The following RNASEH2B variants were observed in gnomAD, a reference collection of about 807,000 sequenced individuals.
The protein encoded by RNASEH2B is ribonuclease H2 subunit B.
RNASEH2B carries 36 observed loss-of-function variants against 45.0 expected under a neutral mutation model. The observed-to-expected ratio is 0.80, with a 90% confidence interval of 0.61 to 1.06. The LOEUF (loss-of-function observed/expected upper bound fraction) is 1.06, where lower values mean the gene tolerates loss of function less well. RNASEH2B is among the 50% of genes least tolerant of loss of function. The pLI is 0.00. For missense variants in RNASEH2B, 361 were observed against 360.3 expected (o/e 1.00, Z -0.02); for synonymous variants, 119 against 125.7 (o/e 0.95, Z 0.35).
intron 9 of RNASEH2B, among the ~76,000 whole-genome samples, chr13:50,961,865 T>C (rs1952114702): frequency 6.6e-6 from 1 of 152,208 alleles, no homozygotes; most frequent in South Asian, 2.1e-4. Context: ...AGTTTCCTTC[T>C]GTTCCTAGTT....
intron 9 of RNASEH2B, among the ~76,000 whole-genome samples, chr13:50,967,651 A>G (rs1393597544): frequency 6.6e-6 from 1 of 152,232 alleles, no homozygotes; most frequent in Non-Finnish European, 1.5e-5. Flanking sequence ...AGTGGCTCTA[A>G]CTTTGACTCT....
At chr13:50,926,938 G>A (rs1288522232) in intron 1 of RNASEH2B, among the ~76,000 whole-genome samples, 1 of 152,046 alleles carries the variant, frequency 6.6e-6, no homozygotes, top group South Asian at 2.1e-4. Flanking sequence ...CTTCATAATA[G>A]TAACAATTAC....
At chr13:50,934,782 C>T in intron 4 of RNASEH2B, 103 bp from the exon 5 acceptor site, 1 of 811,118 alleles carries the variant, frequency 1.2e-6, no homozygotes, top group Non-Finnish European at 2.1e-6. Context: ...GGCTTCTGCA[C>T]TAAGTTTAAA....
chr13:50,959,118 T>C (rs985958903), downstream of RNASEH2B, among the ~76,000 whole-genome samples: 2 of 143,660 alleles, frequency 1.4e-5, no homozygotes, highest in Non-Finnish European at 3.0e-5. Context: ...TCATACTTAC[T>C]AATCAATTGT....
intron 5 of RNASEH2B, chr13:50,937,295 C>T (rs1245069811): frequency 6.6e-6 from 1 of 152,080 alleles, no homozygotes; most frequent in Non-Finnish European, 1.5e-5. Flanking sequence ...AATCACGGCT[C>T]ACTGCAGCCT....
intron 1 of RNASEH2B, among the ~76,000 whole-genome samples, chr13:50,920,155 A>G (rs555148381): frequency 2.9e-4 from 44 of 152,158 alleles, no homozygotes; most frequent in Admixed American, 1.9e-3. Flanking sequence ...AGCGATTCTC[A>G]TGCCTCAGCC....
intron 5 of RNASEH2B, chr13:50,937,743 T>C (rs1951774295): frequency 6.6e-6 from 1 of 152,318 alleles, no homozygotes; most frequent in Non-Finnish European, 1.5e-5. Flanking sequence ...GAAAAGGTAT[T>C]TGATAAAATT....
At chr13:50,962,529 CTG>C (rs1952121332) in intron 9 of RNASEH2B, among the ~76,000 whole-genome samples, 1 of 152,014 alleles carries the variant, frequency 6.6e-6, no homozygotes. Context: ...CTTTTAATGT[CTG>C]TGGATCTGTA....
Position 50,932,743 on chromosome 13 carries a change from T to C in RNASEH2B, c.321+1984T>C, listed in dbSNP as rs557297776. On this transcript the variant is annotated intron_variant, in intron 4 of 10. Coordinates refer to ENST00000336617, the MANE Select transcript of RNASEH2B (RefSeq NM_024570.4). Reference sequence around the variant, plus strand: ...ACAGCTTAGAAGAATCTGGTTTTTTTGGACTCTCATGTTTGCATAAAGTTT... The same window carrying C: ...ACAGCTTAGAAGAATCTGGTTTTTTCGGACTCTCATGTTTGCATAAAGTTT... Among the ~76,000 whole-genome samples the C allele has an allele frequency of 9.2e-5, 14 of 152,364 alleles. No individual in the cohort carries two copies. The South Asian group carries it at 2.9e-3, about 32-fold the overall frequency.
chr13:50,950,250 T>A (rs996065719), intron 9 of RNASEH2B: 1 of 152,256 alleles, frequency 6.6e-6, no homozygotes, highest in Non-Finnish European at 1.5e-5. Flanking sequence ...GCCTTGAGAA[T>A]GTAAAATGGA....
At chr13:50,930,552 A>G (rs1057412247) in intron 3 of RNASEH2B, 131 bp from the exon 4 acceptor site, 5 of 753,680 alleles carry the variant, frequency 6.6e-6, no homozygotes, top group African/African-American at 3.4e-5. Context: ...TGAGGCCTGT[A>G]TAAGAAGAGA....
chr13:50,969,341 G>A (rs900065701), intron 9 of RNASEH2B, among the ~76,000 whole-genome samples: 1 of 151,756 alleles, frequency 6.6e-6, no homozygotes, highest in African/African-American at 2.4e-5. Context: ...TCCAGAATAC[G>A]TTATTTTTAA....
chr13:50,954,725 G>A (rs1398883189), intron 10 of RNASEH2B: 1 of 152,094 alleles, frequency 6.6e-6, no homozygotes, highest in African/African-American at 2.4e-5. Flanking sequence ...TAAGAGCTTG[G>A]AGAACATGAA....
chr13:50,944,467 G>A (rs1951874170), intron 6 of RNASEH2B, among the ~76,000 whole-genome samples: 1 of 152,062 alleles, frequency 6.6e-6, no homozygotes, highest in South Asian at 2.1e-4. Flanking sequence ...TTAGGGGCAA[G>A]AGGAGGGAGA....
chr13:50,935,336 A>G, intron 5 of RNASEH2B: 1 of 330,574 alleles, frequency 3.0e-6, no homozygotes, highest in Non-Finnish European at 5.8e-6. Flanking sequence ...ATTACGTAAA[A>G]CCTGTACCTT....
intron 7 of RNASEH2B, 28 bp downstream of exon 7, chr13:50,945,560 T>G (rs1347320328): frequency 6.6e-7 from 1 of 1,520,742 alleles, no homozygotes; most frequent in South Asian, 1.1e-5. Context: ...TCAGAAAAGA[T>G]TTTTGTCTGG....
chr13:50,957,111 T>A (rs935595265), downstream of RNASEH2B, among the ~76,000 whole-genome samples: 3 of 151,854 alleles, frequency 2.0e-5, no homozygotes, highest in African/African-American at 7.2e-5. Context: ...TCAACTTTTA[T>A]TTTAGACTCA....
intron 7 of RNASEH2B, among the ~76,000 whole-genome samples, chr13:50,947,386 AGTGTGTGTGTGTGTGT>A (rs34501133): frequency 2.7e-5 from 4 of 145,994 alleles, no homozygotes; most frequent in Admixed American, 2.1e-4. Context: ...TTAGTTTGGG[AGTGTGTGTGTGTGTGT>A]GTGTGTGTGT....
In RNASEH2B at chr13:50,935,437, C is replaced by T. The variant is rs376409031; in HGVS notation, c.436+438C>T. 3.8e-4 allele frequency: 74 copies of T among 196,508 alleles called. No individual in the cohort carries two copies. The East Asian group carries it at 8.5e-3, about 23-fold the overall frequency. The allele number at this position is 196,508 out of a possible 1,614,324, so 12.2% of individuals were successfully genotyped here. ...AGATACTTATGAATAAGACATTGTC[C>T]TTTTCTTCACTTTGCGCCCAGTCTG... On this transcript the variant is annotated intron_variant, in intron 5 of 10. Coordinates refer to ENST00000336617, the MANE Select transcript of RNASEH2B (RefSeq NM_024570.4).
Sources: gnomAD v4.1 joint callset for allele counts (sites outside exome capture counted in the v4.1 genomes callset) on GRCh38, gnomAD v4.1.1 for gene constraint, MANE v1.5 for transcripts, NCBI Gene and HGNC (gene_info 2026-07-23, HGNC 2026-07-21) for gene names.